Variants in SPAG7 observed in about 807,000 individuals in gnomAD.
SPAG7 encodes the protein sperm associated antigen 7.
Under a neutral mutation model 30.6 loss-of-function variants are expected in SPAG7, and 20 were observed. The observed-to-expected ratio is 0.65, with a 90% CI of 0.46 to 0.95. The LOEUF (loss-of-function observed/expected upper bound fraction) is 0.95, where lower values mean the gene tolerates loss of function less well. SPAG7 is among the 40% of genes least tolerant of loss of function. The probability of loss-of-function intolerance (pLI) is 0.00; values close to 1 mark genes in which losing one functional copy is unlikely to be tolerated. For missense variants in SPAG7, 276 were observed against 291.1 expected (o/e 0.95, Z 0.38); for synonymous variants, 127 against 104.2 (o/e 1.22, Z -1.33).
intron 1 of SPAG7, among the ~76,000 whole-genome samples, chr17:4,962,380 G>C (rs907631968): frequency 5.9e-5 from 9 of 152,090 alleles, no homozygotes; most frequent in African/African-American, 2.2e-4. Flanking sequence ...TCCCAAAAGT[G>C]CTGGAATTAT....
chr17:4,963,185 G>A (rs1238874469), intron 1 of SPAG7, among the ~76,000 whole-genome samples: 1 of 152,056 alleles, frequency 6.6e-6, no homozygotes, highest in Non-Finnish European at 1.5e-5. Flanking sequence ...TTGAGGCCAG[G>A]AGCTCCAGAC....
chr17:4,959,533 C>A lies in SPAG7; in HGVS notation c.*1G>T, dbSNP rs779558751. The A allele has an allele frequency of 5.6e-6, 9 of 1,611,844 alleles. No homozygotes were observed. The African/African-American group carries it at 1.2e-4, about 22-fold the overall frequency. ...GGGTCAAAGGGAGCTGGGCGGGGCGCCTAGGAGGTTGGCGGCAACTCTTCC... is the reference window on the plus strand; with the variant it reads ...GGGTCAAAGGGAGCTGGGCGGGGCGACTAGGAGGTTGGCGGCAACTCTTCC... On this transcript the variant is annotated 3_prime_UTR_variant, in exon 7 of 7. Coordinates refer to ENST00000206020, the MANE Select transcript of SPAG7 (RefSeq NM_004890.3).
chr17:4,965,076 A>G (rs772094908), intron 1 of SPAG7, among the ~76,000 whole-genome samples: 1 of 151,654 alleles, frequency 6.6e-6, no homozygotes, highest in African/African-American at 2.4e-5. Flanking sequence ...CACCTGGCTA[A>G]TTTTTTCATT....
At chr17:4,966,559 T>C in intron 1 of SPAG7, 1 of 983,198 alleles carries the variant, frequency 1.0e-6, no homozygotes. Context: ...AAATAGACTC[T>C]TCTGCCTGTA....
chr17:4,966,719 GCATCAATGAGCGC>G (rs966667358), intron 1 of SPAG7: 12 of 985,312 alleles, frequency 1.2e-5, no homozygotes, highest in Non-Finnish European at 1.3e-5. Flanking sequence ...TGTGATCACT[GCATCAATGAGCGC>G]CCCAGCCCCG....
Position 4,960,812 on chromosome 17 carries a change from G to T in SPAG7, c.127C>A (p.Gln43Lys). The T allele has an allele frequency of 2.5e-6, 4 of 1,614,142 alleles. No homozygotes were observed. The highest frequency in any genetic ancestry group is 3.4e-6 in the Non-Finnish European group (4 of 1,180,026). The change falls in exon 2 of 7, where the codon CAA becomes AAA. Residue 43 changes from glutamine to lysine, a missense_variant. Physicochemically the swap from Gln to Lys is moderately conservative, Grantham distance 53. Coordinates refer to ENST00000206020, the MANE Select transcript of SPAG7 (RefSeq NM_004890.3). ...CTTTTACGAAACTCCACTTTCTGTT[G>T]TTTCTCTTGCTCTTGTAGTTTCTTC... ...RLKKLQEQEK[Q>K]QKVEFRKRME...
chr17:4,965,828 TTATTTATTTATTTATTTATTTATC>T (rs1971940646), intron 1 of SPAG7: 1 of 148,108 alleles, frequency 6.8e-6, no homozygotes, highest in South Asian at 2.1e-4. Flanking sequence ...CAGCTAATGT[TTATTTATTTATTTATTTATTTATC>T]TATTTATTTA....
At position 4,966,898 on chromosome 17, in the gene SPAG7, C is replaced by T. The variant is rs111769233; in HGVS notation, c.85+822G>A. The T allele has an allele frequency of 2.0e-4, 202 of 985,494 alleles. 2 individuals are homozygous for T. The African/African-American group carries it at 3.1e-3, about 15-fold the overall frequency. The allele number at this position is 985,494 out of a possible 1,614,324, so 61.0% of individuals were successfully genotyped here. ...CGTGGGGAGCTGGGACAGGGCTCGT[C>T]CGTGGTCAAGGTCCGCAGGTTTGGG... On this transcript the variant is annotated intron_variant, in intron 1 of 6. Coordinates refer to ENST00000206020, the MANE Select transcript of SPAG7 (RefSeq NM_004890.3).
intron 1 of SPAG7, among the ~76,000 whole-genome samples, chr17:4,961,404 C>T (rs1210618294): frequency 6.7e-6 from 1 of 149,754 alleles, no homozygotes; most frequent in African/African-American, 2.5e-5. Flanking sequence ...TTGCAGTGAG[C>T]TGAGATCGCG....
At position 4,960,034 on chromosome 17, in the gene SPAG7, C is replaced by T. The variant is rs1454584623; in HGVS notation, c.405G>A (p.Lys135=). 17 of 1,614,180 alleles carry T rather than the reference C, an allele frequency of 1.1e-5. No homozygotes were observed. Among genetic ancestry groups the T allele is most frequent in the Non-Finnish European group, 1.4e-5 (17 of 1,180,018 alleles). ...EEWDPQKAEE[K]RKLKELAQRQ... ...AAGCATAGCTCACCTTCAGCTTCCG[C>T]TTCTCCTCAGCCTTCTGGGGGTCCC... The change falls in exon 5 of 7, where the codon AAG becomes AAA. Residue 135 remains lysine, a synonymous_variant. Transcript: ENST00000206020.
At position 4,959,346 on chromosome 17, in the gene SPAG7, C is replaced by T; in HGVS notation, c.*188G>A. On this transcript the variant is annotated 3_prime_UTR_variant, in exon 7 of 7. Transcript: ENST00000206020. Reference sequence around the variant, plus strand: ...GTGCATTCACACTCTCACACACACACACACATGCCACGCACATATCCAAGC... The same window carrying T: ...GTGCATTCACACTCTCACACACACATACACATGCCACGCACATATCCAAGC... 1.8e-5 allele frequency: 11 copies of T among 603,086 alleles called. 1 individual carries two copies. In the South Asian group the frequency reaches 2.1e-4, roughly 12 times the overall value. 37.4% of individuals were successfully genotyped at this position (603,086 alleles called of 1,614,324 possible).
rs1347612582 is a variant in SPAG7 at position 4,959,749 on chromosome 17, T to C, written c.574+11A>G. On this transcript the variant is annotated intron_variant, in intron 6 of 6. Coordinates refer to ENST00000206020, the MANE Select transcript of SPAG7 (RefSeq NM_004890.3). The stretch of plus-strand genomic sequence containing the variant: ...CTCTCCCAGCCACCCCCAGCCGCAC[T>C]GTGGCCTCACCACAGCCGTAGGTCT... 1 of 1,614,052 alleles carries C rather than the reference T, an allele frequency of 6.2e-7. No individual in the cohort carries two copies. The highest frequency in any genetic ancestry group is 8.5e-7 in the Non-Finnish European group (1 of 1,180,026).
At position 4,960,284 on chromosome 17, in the gene SPAG7, A is replaced by C; in HGVS notation, c.277T>G (p.Phe93Val). ...DVVEVAGLTSFSFGEDDDCRY... is the reference protein window; with the variant it reads ...DVVEVAGLTSVSFGEDDDCRY... ...CAGTCATCATCTTCCCCAAAGGAGA[A>C]GGATGTCAGGCCAGCCACTTCCACC... Residue 93 changes from phenylalanine (F) to valine (V), a missense_variant, in exon 4 of 7, where the codon TTC (phenylalanine) becomes GTC (valine). Transcript: ENST00000206020. 1 of 1,614,222 alleles carries C rather than the reference A, an allele frequency of 6.2e-7. No homozygotes were observed. Among genetic ancestry groups the C allele is most frequent in the Non-Finnish European group, 8.5e-7 (1 of 1,180,020 alleles).
At position 4,959,261 on chromosome 17, in the gene SPAG7, C is replaced by T. The variant is rs1971815848; in HGVS notation, c.*273G>A. The stretch of plus-strand genomic sequence containing the variant: ...CAGTATTTATTGAATGTAAAGTACC[C>T]CAGCCCCATGGGGAAGAAAATTCCA... On this transcript the variant is annotated 3_prime_UTR_variant, in exon 7 of 7. Coordinates refer to ENST00000206020, the MANE Select transcript of SPAG7 (RefSeq NM_004890.3). 3.7e-6 allele frequency: 2 copies of T among 538,590 alleles called. No individual in the cohort carries two copies. Among genetic ancestry groups the T allele is most frequent in the South Asian group, 2.5e-5 (1 of 39,652 alleles). The allele number at this position is 538,590 out of a possible 1,614,324, so 33.4% of individuals were successfully genotyped here.
At position 4,967,129 on chromosome 17, in the gene SPAG7, C is replaced by T. The variant is rs1427829024; in HGVS notation, c.85+591G>A. ...TCATCCCTCCAATCAACACTACGAT[C>T]CGCCCGGGCAGCTCGGGAATTTAAG... is the stretch of plus-strand genomic sequence containing the variant. On this transcript the variant is annotated intron_variant, in intron 1 of 6. Transcript: ENST00000206020. 3.0e-6 allele frequency: 3 copies of T among 986,158 alleles called. No individual in the cohort carries two copies. The South Asian group carries it at 1.4e-4, about 45-fold the overall frequency. 61.1% of individuals were successfully genotyped at this position (986,158 alleles called of 1,614,324 possible). A position where few individuals can be genotyped will look rare whatever the true frequency, so the allele number is the denominator to read the frequency against.
intron 1 of SPAG7, chr17:4,965,848 T>TTATCTATC (rs571461910): frequency 6.9e-6 from 1 of 144,104 alleles, no homozygotes; most frequent in Non-Finnish European, 1.5e-5. Context: ...ATTTATTTAT[T>TTATCTATC]TATCTATTTA....
intron 1 of SPAG7, among the ~76,000 whole-genome samples, chr17:4,963,852 C>A (rs1971904113): frequency 6.6e-6 from 1 of 152,186 alleles, no homozygotes. Context: ...ATCTGACACC[C>A]TTCTCCTTTG....
chr17:4,959,996 C>T (rs749080746), intron 5 of SPAG7, 26 bp downstream of exon 5: 3 of 1,613,854 alleles, frequency 1.9e-6, no homozygotes, highest in Non-Finnish European at 2.5e-6. Flanking sequence ...GCTTCTGGAC[C>T]CCAAGGGCTG....
intron 1 of SPAG7, among the ~76,000 whole-genome samples, chr17:4,965,304 C>T (rs1290044201): frequency 3.3e-5 from 5 of 152,212 alleles, no homozygotes; most frequent in Non-Finnish European, 7.3e-5. Context: ...CCGCCTCAGC[C>T]TCCCAAAGTG....
Sources: allele counts gnomAD v4.1 joint callset (sites outside exome capture counted in the v4.1 genomes callset), GRCh38; gene constraint gnomAD v4.1.1; transcripts MANE v1.5; gene names NCBI Gene and HGNC (gene_info 2026-07-23, HGNC 2026-07-21).